The following SLC9A9 variants were observed in gnomAD, a reference collection of about 807,000 sequenced individuals.
SLC9A9 encodes the protein solute carrier family 9 member A9, also known as sodium/hydrogen exchanger 9.
In SLC9A9, 62 loss-of-function variants were observed where a neutral mutation model predicts 77.8. That is an observed-to-expected ratio of 0.80 (90% CI 0.65 to 0.98). SLC9A9 has a LOEUF of 0.98. Ranked by LOEUF, SLC9A9 falls within the 50% of genes least tolerant of loss-of-function variation. SLC9A9 has a pLI of 0.00. For synonymous variants in SLC9A9, 320 were observed against 283.5 expected (o/e 1.13, Z -1.29); for missense variants, 775 against 774.9 (o/e 1.00, Z 0.00).
At chr3:143,743,719 A>G (rs765799388) in intron 4 of SLC9A9, among the ~76,000 whole-genome samples, 6 of 152,168 alleles carry the variant, frequency 3.9e-5, no homozygotes, top group Non-Finnish European at 8.8e-5. Context: ...AAGCCCTAGA[A>G]ATAATGCTTT....
intron 4 of SLC9A9, among the ~76,000 whole-genome samples, chr3:143,710,678 C>A (rs1235374638): frequency 6.6e-6 from 1 of 152,210 alleles, no homozygotes; most frequent in African/African-American, 2.4e-5. Flanking sequence ...TGTTAGTTTT[C>A]TCCTAAAGAG....
At chr3:143,270,844 C>T (rs1053868503) in intron 14 of SLC9A9, among the ~76,000 whole-genome samples, 2 of 152,160 alleles carry the variant, frequency 1.3e-5, no homozygotes, top group Admixed American at 6.5e-5. Flanking sequence ...AGGTTATTAT[C>T]TCTTTAAATC....
chr3:143,798,086 G>A (rs763850419), intron 2 of SLC9A9, among the ~76,000 whole-genome samples: 6 of 152,086 alleles, frequency 3.9e-5, no homozygotes, highest in African/African-American at 1.2e-4. Context: ...TTTTAAATCC[G>A]GTAAGCGGAC....
rs576051528 is a variant in SLC9A9, at chr3:143,275,308, T to C, written c.1605-6328A>G. Among the ~76,000 whole-genome samples the C allele has an allele frequency of 5.3e-5, 8 of 152,270 alleles. No individual in the cohort carries two copies. The South Asian group carries it at 1.0e-3, about 20-fold the overall frequency. On this transcript the variant is annotated intron_variant, in intron 14 of 15. Coordinates refer to ENST00000316549, the MANE Select transcript of SLC9A9 (RefSeq NM_173653.4). Reference sequence around the variant, plus strand: ...CCTGCCCCCAAGATGCCCAAAGGACTTTTTCTTTAAAGTTCATTAATTTTG... The same window carrying C: ...CCTGCCCCCAAGATGCCCAAAGGACCTTTTCTTTAAAGTTCATTAATTTTG...
At chr3:143,716,196 T>A (rs1934344118) in intron 4 of SLC9A9, among the ~76,000 whole-genome samples, 1 of 152,140 alleles carries the variant, frequency 6.6e-6, no homozygotes, top group Non-Finnish European at 1.5e-5. Flanking sequence ...TGCCTCAGCC[T>A]CCTGAGTAGC....
intron 4 of SLC9A9, among the ~76,000 whole-genome samples, chr3:143,699,785 G>T (rs1427059439): frequency 6.6e-6 from 1 of 152,140 alleles, no homozygotes; most frequent in Non-Finnish European, 1.5e-5. Context: ...TGATTCTGCA[G>T]CTCAGTGCTG....
In SLC9A9 at chr3:143,625,384, C is replaced by T. The variant is rs565387439; in HGVS notation, c.755+26871G>A. On this transcript the variant is annotated intron_variant, in intron 6 of 15. Transcript: ENST00000316549. The stretch of plus-strand genomic sequence containing the variant: ...AAACTATACTACAAGGCTACAGTAA[C>T]CAAAACAACATGGTACTGGTACCAA... 6.5e-3 allele frequency among the ~76,000 whole-genome samples: 996 copies of T among 152,206 alleles called. 32 individuals carry two copies. Among genetic ancestry groups the T allele is most frequent in the Admixed American group, 0.05 (761 of 15,278 alleles).
chr3:143,671,947 A>T (rs980177210), intron 5 of SLC9A9, among the ~76,000 whole-genome samples: 1 of 152,210 alleles, frequency 6.6e-6, no homozygotes, highest in African/African-American at 2.4e-5. Flanking sequence ...ATACCAATGC[A>T]ATCTTTCTCT....
intron 14 of SLC9A9, among the ~76,000 whole-genome samples, chr3:143,357,855 G>A (rs371866700): frequency 1.2e-4 from 19 of 152,184 alleles, no homozygotes; most frequent in African/African-American, 4.6e-4. Context: ...CCCAATAAAT[G>A]ATTCATGGGT....
At chr3:143,391,170 C>T (rs1470751024) in intron 12 of SLC9A9, among the ~76,000 whole-genome samples, 1 of 152,212 alleles carries the variant, frequency 6.6e-6, no homozygotes, top group Admixed American at 6.5e-5. Flanking sequence ...GGGTCCCTGA[C>T]CCCTGAGTAG....
At chr3:143,573,914 A>T (rs1025193666) in intron 8 of SLC9A9, among the ~76,000 whole-genome samples, 174 bp downstream of exon 8, 1 of 152,200 alleles carries the variant, frequency 6.6e-6, no homozygotes, top group Non-Finnish European at 1.5e-5. Flanking sequence ...TGGATGAATT[A>T]CTATTATTTT....
intron 5 of SLC9A9, among the ~76,000 whole-genome samples, chr3:143,691,831 T>C (rs1933478653): frequency 6.6e-6 from 1 of 152,118 alleles, no homozygotes; most frequent in Non-Finnish European, 1.5e-5. Flanking sequence ...CACTGAGACA[T>C]AACATGATTC....
At chr3:143,339,844 T>G (rs1342146843) in intron 14 of SLC9A9, among the ~76,000 whole-genome samples, 1 of 152,156 alleles carries the variant, frequency 6.6e-6, no homozygotes, top group Non-Finnish European at 1.5e-5. Flanking sequence ...AAAATAATTA[T>G]TAATACAACT....
At chr3:143,615,073 T>C (rs897129164) in intron 6 of SLC9A9, among the ~76,000 whole-genome samples, 8 of 152,158 alleles carry the variant, frequency 5.3e-5, no homozygotes, top group Admixed American at 5.2e-4. Flanking sequence ...TTGGTGCTGC[T>C]GGCAGCAGCC....
intron 12 of SLC9A9, among the ~76,000 whole-genome samples, chr3:143,411,985 C>G (rs1391331273): frequency 6.6e-6 from 1 of 152,072 alleles, no homozygotes; most frequent in East Asian, 1.9e-4. Context: ...AAACTGGGAC[C>G]AATACTGCCT....
At chr3:143,780,433 C>T (rs1298279888) in intron 4 of SLC9A9, among the ~76,000 whole-genome samples, 1 of 152,164 alleles carries the variant, frequency 6.6e-6, no homozygotes, top group Non-Finnish European at 1.5e-5. Flanking sequence ...TATTGAATCA[C>T]TGTCAATTGG....
At chr3:143,691,031 T>C (rs1183226963) in intron 5 of SLC9A9, among the ~76,000 whole-genome samples, 2 of 152,288 alleles carry the variant, frequency 1.3e-5, no homozygotes, top group East Asian at 1.9e-4. Flanking sequence ...CAAACTTTAA[T>C]GTGCATATGA....
chr3:143,387,643 T>C (rs1332985635), intron 12 of SLC9A9, among the ~76,000 whole-genome samples: 1 of 152,214 alleles, frequency 6.6e-6, no homozygotes, highest in Non-Finnish European at 1.5e-5. Flanking sequence ...TCATTTACAA[T>C]GAGCATCAAG....
chr3:143,688,189 A>C (rs1933338278), intron 5 of SLC9A9, among the ~76,000 whole-genome samples: 1 of 151,646 alleles, frequency 6.6e-6, no homozygotes, highest in South Asian at 2.1e-4. Flanking sequence ...GGCCTCAAGC[A>C]ATCCTCCTGC....
Sources: gnomAD v4.1 joint callset for allele counts (sites outside exome capture counted in the v4.1 genomes callset) on GRCh38, gnomAD v4.1.1 for gene constraint, MANE v1.5 for transcripts, NCBI Gene and HGNC (gene_info 2026-07-23, HGNC 2026-07-21) for gene names.